Variants in MROH2A observed in about 807,000 individuals in gnomAD.
MROH2A encodes the protein maestro heat-like repeat-containing protein family member 2A.
In MROH2A, 174 loss-of-function variants were observed where a neutral mutation model predicts 200.4. That is an observed-to-expected ratio of 0.87 (90% CI 0.77 to 0.98). The LOEUF is 0.98. MROH2A is among the 50% of genes least tolerant of loss of function. The pLI, the probability that MROH2A is intolerant of heterozygous loss-of-function variation, is 0.00. For missense variants in MROH2A, 2,045 were observed against 2,139.6 expected (o/e 0.96, Z 0.87); for synonymous variants, 829 against 840.4 (o/e 0.99, Z 0.23).
chr2:233,802,112 A>T (rs923354053), intron 14 of MROH2A, 56 bp from the exon 15 acceptor site: 6 of 1,500,716 alleles, frequency 4.0e-6, no homozygotes, highest in Middle Eastern at 1.8e-4. Context: ...TGTTCTCCTT[A>T]GAAGCCCAGG....
rs140312534 is a variant in MROH2A at position 233,810,690 on chromosome 2, G to A, written c.2449-104G>A. ...TCTCTCAGAGCATTCAACATTAAAC[G>A]CTTTCTTCAGAGCAGAGGGAGTCCA... On this transcript the variant is annotated intron_variant, in intron 22 of 41. Coordinates refer to ENST00000389758, the MANE Select transcript of MROH2A (RefSeq NM_001394639.1). The A allele has an allele frequency of 2.5e-4, 354 of 1,406,154 alleles. 2 individuals are homozygous for A. The African/African-American group carries it at 3.7e-3, about 15-fold the overall frequency. The allele number at this position is 1,406,154 out of a possible 1,614,324, so 87.1% of individuals were successfully genotyped here.
At position 233,832,640 on chromosome 2, in the gene MROH2A, GA is replaced by G. The variant is rs1559490254; in HGVS notation, c.4901del (p.Asn1634IlefsTer49). The G allele has an allele frequency of 6.5e-7, 1 of 1,546,802 alleles. No homozygotes were observed. The highest frequency in any genetic ancestry group is 8.7e-7 in the Non-Finnish European group (1 of 1,143,880). Reference protein sequence around the residue: ...LKKLDFPALRNSLQELQLDPD... With the variant: ...LKKLDFPALRXSLQELQLDPD... ...AAAAGCTGGACTTCCCAGCATTACG[GA>G]ATTGTGAGTAGTGGAGAGTGTTAGA... On this transcript the variant is annotated frameshift_variant, in exon 41 of 42. Transcript: ENST00000389758. LOFTEE classifies it high-confidence loss of function.
Position 233,792,871 on chromosome 2 carries a change from A to G in MROH2A, c.647A>G (p.Lys216Arg), listed in dbSNP as rs1307854642. 5 of 1,550,598 alleles carry G rather than the reference A, an allele frequency of 3.2e-6. No individual in the cohort carries two copies. In the South Asian group the frequency reaches 4.8e-5, roughly 15 times the overall value. The change falls in exon 6 of 42, where the codon AAG (lysine) becomes AGG (arginine). Residue 216 changes from lysine to arginine, a missense_variant. Lys to Arg is a conservative substitution (Grantham distance 26). This residue lies in a region of MROH2A where 831 missense variants were observed against 800.0 expected (regional missense o/e 1.04). Transcript: ENST00000389758. ...ATGCTGAGACTTGCCAATGAAGCCAAGATACGCCAGGCGATCTGCAGTGGT... is the reference window on the plus strand; with the variant it reads ...ATGCTGAGACTTGCCAATGAAGCCAGGATACGCCAGGCGATCTGCAGTGGT... ...FTMLRLANEA[K>R]IRQAICSAME...
chr2:233,823,192 C>A (rs190123938), intron 34 of MROH2A, among the ~76,000 whole-genome samples, 174 bp downstream of exon 34: 1 of 152,338 alleles, frequency 6.6e-6, no homozygotes, highest in African/African-American at 2.4e-5. Context: ...AGAATGAGAA[C>A]CTTTTATTCG....
Position 233,828,657 on chromosome 2 carries a change from G to C in MROH2A, c.4141G>C (p.Glu1381Gln). 3 of 1,550,800 alleles carry C rather than the reference G, an allele frequency of 1.9e-6. No homozygotes were observed. The South Asian group carries it at 3.6e-5, about 18-fold the overall frequency. ...CFMSGPVLYQ[E>Q]KLLKPAALLL... Reference sequence around the variant, plus strand: ...CATGAGCGGCCCAGTTCTGTACCAGGAGAAGCTGCTGAAGCCGGCAGCTTT... The same window carrying C: ...CATGAGCGGCCCAGTTCTGTACCAGCAGAAGCTGCTGAAGCCGGCAGCTTT... Residue 1381 changes from glutamate to glutamine, a missense_variant, in exon 36 of 42, where the codon GAG (glutamate) becomes CAG (glutamine). Transcript: ENST00000389758. The surrounding 1 kb of genome is among the most constrained non-coding windows in gnomAD (Gnocchi z 4.6).
chr2:233,827,588 G>T (rs114364934), intron 35 of MROH2A, among the ~76,000 whole-genome samples: 4,108 of 152,244 alleles, frequency 0.027, 173 homozygotes, highest in African/African-American at 0.092. Flanking sequence ...TGGGGGAAGA[G>T]AGAGTATTAG....
intron 3 of MROH2A, among the ~76,000 whole-genome samples, chr2:233,789,092 C>T (rs746378100): frequency 1.1e-4 from 17 of 151,978 alleles, no homozygotes; most frequent in Admixed American, 2.0e-4. Flanking sequence ...GTGATAAGCG[C>T]TATCATGCAG....
At chr2:233,775,914 G>C (rs1170418394), upstream of MROH2A, among the ~76,000 whole-genome samples, 1 of 152,210 alleles carries the variant, frequency 6.6e-6, no homozygotes, top group Non-Finnish European at 1.5e-5. Flanking sequence ...GTTCTCACAA[G>C]ATCTGATGGT....
At chr2:233,785,639 G>A (rs902809049) in intron 3 of MROH2A, among the ~76,000 whole-genome samples, 13 of 152,070 alleles carry the variant, frequency 8.5e-5, no homozygotes, top group Non-Finnish European at 1.9e-4. Context: ...GAAAGAAACT[G>A]GTGAGGTAGG....
At chr2:233,802,365 C>G in intron 15 of MROH2A, 50 bp downstream of exon 15, 1 of 1,511,620 alleles carries the variant, frequency 6.6e-7, no homozygotes, top group South Asian at 1.3e-5. Context: ...TGGGCTGGCT[C>G]CTTGTCTGGG....
chr2:233,807,375 G>T lies in MROH2A; in HGVS notation c.2053-48G>T. 1 of 1,515,500 alleles carries T rather than the reference G, an allele frequency of 6.6e-7. No homozygotes were observed. The highest frequency in any genetic ancestry group is 8.9e-7 in the Non-Finnish European group (1 of 1,127,780). The allele number at this position is 1,515,500 out of a possible 1,614,324, so 93.9% of individuals were successfully genotyped here. A position where few individuals can be genotyped will look rare whatever the true frequency, so the allele number is the denominator to read the frequency against. On this transcript the variant is annotated intron_variant, in intron 19 of 41. Coordinates refer to ENST00000389758, the MANE Select transcript of MROH2A (RefSeq NM_001394639.1). This position sits in a 1 kb window ranked among gnomAD's most constrained non-coding sequence, Gnocchi z 4.3. ...CTCTCTACAACAGCACCCCCTGAAG[G>T]CTGGCTGTAGGGAGGCCTGAGCTCC...
At chr2:233,817,918 A>T in intron 27 of MROH2A, 84 bp from the exon 28 acceptor site, 1 of 1,502,980 alleles carries the variant, frequency 6.7e-7, no homozygotes, top group Non-Finnish European at 9.0e-7. Flanking sequence ...TGCCCTATCA[A>T]GTTGTCCTTT....
At chr2:233,786,818 A>G (rs1345808909) in intron 3 of MROH2A, among the ~76,000 whole-genome samples, 1 of 152,220 alleles carries the variant, frequency 6.6e-6, no homozygotes. Flanking sequence ...ATTAACATGC[A>G]TCAAAGATTT....
intron 5 of MROH2A, among the ~76,000 whole-genome samples, chr2:233,790,406 C>G (rs1249545962): frequency 5.7e-5 from 7 of 122,122 alleles, no homozygotes; most frequent in Non-Finnish European, 1.2e-4. Flanking sequence ...CTCCATCCCA[C>G]CCTTCCTTCC....
intron 3 of MROH2A, among the ~76,000 whole-genome samples, chr2:233,787,165 T>C (rs1701244626): frequency 6.6e-6 from 1 of 152,120 alleles, no homozygotes; most frequent in East Asian, 1.9e-4. Flanking sequence ...CTCTTGTGAC[T>C]ATAAATATTC....
intron 39 of MROH2A, 88 bp downstream of exon 39, chr2:233,831,628 T>C (rs1031682866): frequency 2.8e-6 from 4 of 1,419,638 alleles, no homozygotes; most frequent in Non-Finnish European, 3.8e-6. Context: ...CAGCTCTTTC[T>C]TGGGGCCCTA....
At chr2:233,833,007 C>T (rs998947537) in intron 41 of MROH2A, 131 bp from the exon 42 acceptor site, 27 of 1,129,554 alleles carry the variant, frequency 2.4e-5, no homozygotes, top group Non-Finnish European at 3.3e-5. Context: ...CTCTGCTTTC[C>T]CACACAGGAG....
intron 25 of MROH2A, 82 bp downstream of exon 25, chr2:233,813,860 T>G: frequency 1.4e-6 from 1 of 721,082 alleles, no homozygotes; most frequent in Non-Finnish European, 2.4e-6. Context: ...GAGTCCACCT[T>G]CCTGAACCAC....
chr2:233,830,575 T>C (rs1410939017), intron 38 of MROH2A, among the ~76,000 whole-genome samples: 1 of 151,936 alleles, frequency 6.6e-6, no homozygotes, highest in Non-Finnish European at 1.5e-5. Flanking sequence ...CCAGGTGGGG[T>C]GGAGCGGGTG....
Sources: allele counts gnomAD v4.1 joint callset (sites outside exome capture counted in the v4.1 genomes callset), GRCh38; gene constraint gnomAD v4.1.1; regional missense constraint gnomAD v4.1.1; non-coding constraint Gnocchi (gnomAD v3.1); transcripts MANE v1.5; gene names NCBI Gene and HGNC (gene_info 2026-07-23, HGNC 2026-07-21).